MPPED2: variants seen among roughly 807,000 people sequenced by gnomAD.
MPPED2 encodes the protein metallophosphoesterase MPPED2.
Under a neutral mutation model 33.0 loss-of-function variants are expected in MPPED2, and 5 were observed. The observed-to-expected ratio is 0.15, with a 90% CI of 0.08 to 0.32. MPPED2 has a LOEUF of 0.32. MPPED2 is among the 10% of genes least tolerant of loss of function. The pLI is 1.00. For synonymous variants in MPPED2, 136 were observed against 141.9 expected, an observed-to-expected ratio of 0.96 and a Z score of 0.29; for missense variants, 275 against 372.1, an observed-to-expected ratio of 0.74 and a Z score of 2.15.
chr11:30,453,992 A>G (rs1950173537), intron 4 of MPPED2, among the ~76,000 whole-genome samples: 1 of 152,138 alleles, frequency 6.6e-6, no homozygotes, highest in Non-Finnish European at 1.5e-5. Context: ...TCTCTTTCCC[A>G]AAGAAGTCAT....
intron 4 of MPPED2, among the ~76,000 whole-genome samples, chr11:30,487,634 T>C (rs576170): frequency 0.98 from 148,907 of 152,118 alleles, 72,939 homozygotes; most frequent in Middle Eastern, 1. Flanking sequence ...GCACATACCA[T>C]GCCTGGCTAA....
intron 3 of MPPED2, among the ~76,000 whole-genome samples, chr11:30,497,750 C>T (rs1359342024): frequency 1.3e-5 from 2 of 150,020 alleles, no homozygotes; most frequent in East Asian, 3.9e-4. Context: ...CAAAGTAAAT[C>T]TTTCTCAGAA....
chr11:30,469,815 C>T (rs1012920990), intron 4 of MPPED2, among the ~76,000 whole-genome samples: 10 of 152,170 alleles, frequency 6.6e-5, no homozygotes, highest in Admixed American at 3.3e-4. Context: ...CCTCTCTACA[C>T]TTATTAATCT....
At chr11:30,417,193 C>T (rs1396901154) in intron 5 of MPPED2, among the ~76,000 whole-genome samples, 1 of 152,086 alleles carries the variant, frequency 6.6e-6, no homozygotes, top group Non-Finnish European at 1.5e-5. Flanking sequence ...ATCTTCCTTC[C>T]TTTCTCCACC....
At chr11:30,578,382 A>T (rs1362892455) in intron 2 of MPPED2, among the ~76,000 whole-genome samples, 1 of 152,212 alleles carries the variant, frequency 6.6e-6, no homozygotes, top group African/African-American at 2.4e-5. Flanking sequence ...CAAGATCAGG[A>T]GTCTGGTGAA....
intron 2 of MPPED2, among the ~76,000 whole-genome samples, chr11:30,542,737 C>G (rs932124492): frequency 6.6e-6 from 1 of 152,116 alleles, no homozygotes; most frequent in South Asian, 2.1e-4. Flanking sequence ...GATACATAGT[C>G]CATGCTCTGG....
intron 2 of MPPED2, among the ~76,000 whole-genome samples, chr11:30,549,478 T>C (rs933555288): frequency 2.0e-5 from 3 of 152,202 alleles, no homozygotes; most frequent in African/African-American, 7.2e-5. Context: ...AAGTGAATGC[T>C]AAACTGTAAA....
intron 6 of MPPED2, among the ~76,000 whole-genome samples, chr11:30,395,897 C>A (rs745499400): frequency 3.2e-4 from 48 of 152,266 alleles, no homozygotes; most frequent in Non-Finnish European, 5.6e-4. Flanking sequence ...GCACTGGACT[C>A]TTTGGCTTAA....
downstream of MPPED2, among the ~76,000 whole-genome samples, chr11:30,406,763 T>A (rs1305496612): frequency 6.6e-6 from 1 of 152,188 alleles, no homozygotes; most frequent in Non-Finnish European, 1.5e-5. Flanking sequence ...GACCATCCCA[T>A]CCTGGAACCT....
chr11:30,408,658 G>C (rs1188401793), downstream of MPPED2, among the ~76,000 whole-genome samples: 2 of 152,140 alleles, frequency 1.3e-5, no homozygotes, highest in African/African-American at 2.4e-5. Flanking sequence ...TCCAGACAAA[G>C]AATGATTAAA....
intron 3 of MPPED2, among the ~76,000 whole-genome samples, chr11:30,528,569 T>C (rs1252156429): frequency 6.6e-6 from 1 of 152,230 alleles, no homozygotes; most frequent in Non-Finnish European, 1.5e-5. Flanking sequence ...ATTGTTTACA[T>C]GTTTTTACAA....
At position 30,452,159 on chromosome 11, in the gene MPPED2, A is replaced by G. The variant is rs138672064; in HGVS notation, c.537-34526T>C. 95 of 902,978 alleles carry G rather than the reference A, an allele frequency of 1.1e-4. No individual in the cohort carries two copies. The East Asian group carries it at 8.3e-3, about 79-fold the overall frequency. 55.9% of individuals were successfully genotyped at this position (902,978 alleles called of 1,614,324 possible). A position where few individuals can be genotyped will look rare whatever the true frequency, so the allele number is the denominator to read the frequency against. ...CTTCAAGGGCTTCTCACTGCCTAAGACTAAACTCCAAATTCTTGAGCTCCA... is the reference window on the plus strand; with the variant it reads ...CTTCAAGGGCTTCTCACTGCCTAAGGCTAAACTCCAAATTCTTGAGCTCCA... On this transcript the variant is annotated intron_variant, in intron 4 of 6. Coordinates refer to ENST00000358117, the MANE Select transcript of MPPED2 (RefSeq NM_001584.3).
At chr11:30,411,912 A>G (rs1948120938) in intron 6 of MPPED2, among the ~76,000 whole-genome samples, 1 of 152,114 alleles carries the variant, frequency 6.6e-6, no homozygotes, top group Admixed American at 6.6e-5. Flanking sequence ...TTTTCATTTC[A>G]AAGCCTTGTG....
intron 2 of MPPED2, among the ~76,000 whole-genome samples, chr11:30,574,460 G>A (rs1035625307): frequency 3.3e-5 from 5 of 152,200 alleles, no homozygotes; most frequent in South Asian, 2.1e-4. Context: ...AGACGAAATC[G>A]CCTAGAAGAT....
intron 4 of MPPED2, among the ~76,000 whole-genome samples, chr11:30,472,258 G>T (rs933431659): frequency 1.3e-5 from 2 of 152,136 alleles, no homozygotes; most frequent in African/African-American, 4.8e-5. Context: ...CTACTTGGGG[G>T]TCTGAGGTGG....
chr11:30,385,655 C>T (rs533073329), exon 7 of MPPED2: 1 of 151,970 alleles, frequency 6.6e-6, no homozygotes, highest in African/African-American at 2.4e-5. Flanking sequence ...TAGCACCTGC[C>T]TCATCCCCTA....
At chr11:30,518,939 G>C (rs1428653229) in intron 3 of MPPED2, among the ~76,000 whole-genome samples, 1 of 152,038 alleles carries the variant, frequency 6.6e-6, no homozygotes, top group Non-Finnish European at 1.5e-5. Flanking sequence ...CACTTTCATA[G>C]TATTAAATGT....
Position 30,411,373 on chromosome 11 carries a change from C to T in MPPED2, c.*95G>A, listed in dbSNP as rs1009347521. On this transcript the variant is annotated 3_prime_UTR_variant, in exon 7 of 7. Coordinates refer to ENST00000358117, the MANE Select transcript of MPPED2 (RefSeq NM_001584.3). Reference sequence around the variant, plus strand: ...TCCAACAATTTACAAAAAGAACTCACAGGGTTTGTAAATAAGTAAGAGAAT... The same window carrying T: ...TCCAACAATTTACAAAAAGAACTCATAGGGTTTGTAAATAAGTAAGAGAAT... 3 of 1,431,338 alleles carry T rather than the reference C, an allele frequency of 2.1e-6. No homozygotes were observed. In the Admixed American group the frequency reaches 6.7e-5, roughly 32 times the overall value. 88.7% of individuals were successfully genotyped at this position (1,431,338 alleles called of 1,614,324 possible).
intron 2 of MPPED2, among the ~76,000 whole-genome samples, chr11:30,571,641 A>C (rs1258831467): frequency 6.6e-6 from 1 of 152,202 alleles, no homozygotes; most frequent in Non-Finnish European, 1.5e-5. Flanking sequence ...GGAAAAAGAC[A>C]TGGGAAGGAA....
Sources: allele counts gnomAD v4.1 joint callset (sites outside exome capture counted in the v4.1 genomes callset), GRCh38; gene constraint gnomAD v4.1.1; transcripts MANE v1.5; gene names NCBI Gene and HGNC (gene_info 2026-07-23, HGNC 2026-07-21).